SLC25A26: variants seen among roughly 807,000 people sequenced by gnomAD.
SLC25A26 encodes the protein mitochondrial S-adenosylmethionine carrier protein.
SLC25A26 carries 36 observed loss-of-function variants against 37.8 expected under a neutral mutation model. The ratio of observed to expected loss-of-function variants is 0.95; its 90% CI spans 0.73 to 1.26. The LOEUF (loss-of-function observed/expected upper bound fraction) is 1.26, where lower values mean the gene tolerates loss of function less well. Ranked by LOEUF, SLC25A26 falls within the 50% of genes most tolerant of loss-of-function variation. SLC25A26 has a pLI of 0.00. For missense variants in SLC25A26, 390 were observed against 331.1 expected, an observed-to-expected ratio of 1.18 and a Z score of -1.38; for synonymous variants, 129 against 122.5, an observed-to-expected ratio of 1.05 and a Z score of -0.35.
rs1056587355 is a variant in SLC25A26 at position 66,221,245 on chromosome 3, C to G, written c.33+118C>G. On this transcript the variant is annotated intron_variant, in intron 1 of 9. Coordinates refer to ENST00000354883, the MANE Select transcript of SLC25A26 (RefSeq NM_001379210.1). ...TGCGGGCTGGACTGTCCTCGGGTTA[C>G]TGGCAGCCAGGTCTGAGAGGGAGCA... 12 of 1,145,808 alleles carry G rather than the reference C, an allele frequency of 1.0e-5. No homozygotes were observed. The African/African-American group carries it at 1.6e-4, about 16-fold the overall frequency. The allele number at this position is 1,145,808 out of a possible 1,614,324, so 71.0% of individuals were successfully genotyped here.
chr3:66,141,515 A>T (rs546541828), intron 1 of SLC25A26, among the ~76,000 whole-genome samples: 167 of 146,326 alleles, frequency 1.1e-3, no homozygotes, highest in Non-Finnish European at 5.0e-4. Flanking sequence ...AATAGTGTGA[A>T]TTTTTTTTTT....
intron 5 of SLC25A26, among the ~76,000 whole-genome samples, chr3:66,286,491 A>C (rs2074517663): frequency 6.6e-6 from 1 of 152,174 alleles, no homozygotes; most frequent in Non-Finnish European, 1.5e-5. Flanking sequence ...TCTTTTAAAA[A>C]AATCAGTTGG....
chr3:66,199,506 G>A lies in SLC25A26; in HGVS notation c.-353-21236G>A, dbSNP rs890179037. Among the ~76,000 whole-genome samples the A allele has an allele frequency of 1.1e-3, 169 of 152,024 alleles. 5 individuals are homozygous for A. Among genetic ancestry groups the A allele is most frequent in the African/African-American group, 3.7e-3 (154 of 41,450 alleles). ...CCCCATTGACCATGACCCTGACAGTGACCTCAATCCTCAACCTGACCCTGT... is the reference window on the plus strand; with the variant it reads ...CCCCATTGACCATGACCCTGACAGTAACCTCAATCCTCAACCTGACCCTGT... On this transcript the variant is annotated intron_variant, in intron 1 of 10. Coordinates refer to the SLC25A26 transcript ENST00000676754.
At chr3:66,300,562 T>G (rs1384975498) in intron 5 of SLC25A26, among the ~76,000 whole-genome samples, 1 of 152,200 alleles carries the variant, frequency 6.6e-6, no homozygotes, top group African/African-American at 2.4e-5. Context: ...GTGTCGCTGA[T>G]GCTCGTTTTT....
In SLC25A26 at chr3:66,349,300, G is replaced by A. The variant is rs185753099; in HGVS notation, c.498+2892G>A. The stretch of plus-strand genomic sequence containing the variant: ...TCACCCTTTATACCTGTACATTTTT[G>A]TGAGTTTCAATAAATGTTTATAACC... On this transcript the variant is annotated intron_variant, in intron 6 of 9. Transcript: ENST00000354883. 1.3e-3 allele frequency among the ~76,000 whole-genome samples: 195 copies of A among 151,744 alleles called. 1 individual carries two copies. Among genetic ancestry groups the A allele is most frequent in the African/African-American group, 4.4e-3 (183 of 41,384 alleles).
At chr3:66,348,471 A>G (rs1468496805) in intron 6 of SLC25A26, among the ~76,000 whole-genome samples, 3 of 152,218 alleles carry the variant, frequency 2.0e-5, no homozygotes, top group Admixed American at 2.0e-4. Flanking sequence ...AAAATGGTTC[A>G]TAAATGACCA....
At chr3:66,338,766 T>C (rs1401441381) in intron 5 of SLC25A26, among the ~76,000 whole-genome samples, 1 of 152,004 alleles carries the variant, frequency 6.6e-6, no homozygotes. Flanking sequence ...CAACTTCTAA[T>C]GTAGCTTCTA....
At chr3:66,301,476 G>A (rs1243434371) in intron 5 of SLC25A26, among the ~76,000 whole-genome samples, 1 of 152,176 alleles carries the variant, frequency 6.6e-6, no homozygotes, top group Non-Finnish European at 1.5e-5. Context: ...GCCGGAGAGT[G>A]TGACTTCTGC....
chr3:66,203,665 T>C (rs1442943736), intron 1 of SLC25A26, among the ~76,000 whole-genome samples: 4 of 152,160 alleles, frequency 2.6e-5, no homozygotes, highest in Non-Finnish European at 5.9e-5. Flanking sequence ...CCCTTATGTC[T>C]AGAGAAAAAA....
chr3:66,166,217 GAA>G (rs1386388504), intron 1 of SLC25A26, among the ~76,000 whole-genome samples: 1 of 152,170 alleles, frequency 6.6e-6, no homozygotes, highest in Non-Finnish European at 1.5e-5. Context: ...ACTAGGAAAA[GAA>G]GACAAGCAAA....
chr3:66,263,701 C>T (rs1243891208), intron 5 of SLC25A26, among the ~76,000 whole-genome samples: 1 of 152,066 alleles, frequency 6.6e-6, no homozygotes, highest in Non-Finnish European at 1.5e-5. Context: ...CTCTGTCACC[C>T]AGGCTGGCGT....
chr3:66,377,846 G>C lies in SLC25A26; in HGVS notation c.*39G>C, dbSNP rs545691976. 1 of 1,499,538 alleles carries C rather than the reference G, an allele frequency of 6.7e-7. No individual in the cohort carries two copies. The highest frequency in any genetic ancestry group is 1.7e-5 in the Admixed American group (1 of 59,776). 92.9% of individuals were successfully genotyped at this position (1,499,538 alleles called of 1,614,324 possible). ...CTCACCTCCACTTCTGTCAAGAGAG[G>C]GGCCTGCAGTGCAAACCCTCTTCCG... On this transcript the variant is annotated 3_prime_UTR_variant, in exon 10 of 10. Transcript: ENST00000354883.
chr3:66,139,798 G>A (rs147041840), intron 1 of SLC25A26, among the ~76,000 whole-genome samples: 149 of 152,172 alleles, frequency 9.8e-4, no homozygotes, highest in African/African-American at 3.1e-3. Context: ...CGCTAAAGCC[G>A]TGGGTCAGGC....
chr3:66,223,688 G>A (rs902831068), intron 1 of SLC25A26, among the ~76,000 whole-genome samples: 1 of 152,140 alleles, frequency 6.6e-6, no homozygotes, highest in African/African-American at 2.4e-5. Flanking sequence ...ATTAAATGAG[G>A]TAACATTAAA....
At chr3:66,353,489 A>G (rs1442293961) in intron 6 of SLC25A26, among the ~76,000 whole-genome samples, 1 of 152,206 alleles carries the variant, frequency 6.6e-6, no homozygotes, top group African/African-American at 2.4e-5. Flanking sequence ...CAGACTTGAT[A>G]TTCTTAATCA....
At chr3:66,308,487 C>A (rs914604343) in intron 5 of SLC25A26, among the ~76,000 whole-genome samples, 1 of 152,148 alleles carries the variant, frequency 6.6e-6, no homozygotes, top group Non-Finnish European at 1.5e-5. Context: ...TTTGAATACC[C>A]TTTATTTCTT....
At chr3:66,312,806 CT>C (rs1479966027) in intron 5 of SLC25A26, among the ~76,000 whole-genome samples, 1 of 152,170 alleles carries the variant, frequency 6.6e-6, no homozygotes, top group Non-Finnish European at 1.5e-5. Flanking sequence ...CACCCTGCAT[CT>C]GCTTGCCCAC....
At chr3:66,192,082 C>T (rs951960090) in intron 1 of SLC25A26, among the ~76,000 whole-genome samples, 153 of 151,714 alleles carry the variant, frequency 1.0e-3, no homozygotes, top group Admixed American at 1.9e-3. Flanking sequence ...TTTGAGAGGC[C>T]GAGGCAGGCA....
intron 6 of SLC25A26, among the ~76,000 whole-genome samples, chr3:66,358,007 G>A (rs879457706): frequency 4.6e-5 from 7 of 152,120 alleles, no homozygotes; most frequent in Non-Finnish European, 8.8e-5. Context: ...AGTGCCTAGA[G>A]CATTGTAGGT....
Sources: gnomAD v4.1 joint callset for allele counts (sites outside exome capture counted in the v4.1 genomes callset) on GRCh38, gnomAD v4.1.1 for gene constraint, MANE v1.5 for transcripts, NCBI Gene and HGNC (gene_info 2026-07-23, HGNC 2026-07-21) for gene names.